RFC1: variants seen among roughly 807,000 people sequenced by gnomAD.
The protein encoded by RFC1 is replication factor C subunit 1.
In RFC1, 37 loss-of-function variants were observed where a neutral mutation model predicts 137.4. That is an observed-to-expected ratio of 0.27 (90% CI 0.21 to 0.35). The LOEUF is 0.35. RFC1 is among the 10% of genes least tolerant of loss of function. The pLI, the probability that RFC1 is intolerant of heterozygous loss-of-function variation, is 1.00. For synonymous variants in RFC1, 429 were observed against 455.7 expected (o/e 0.94, Z 0.75); for missense variants, 1,205 against 1,358.5 (o/e 0.89, Z 1.78).
intron 4 of RFC1, among the ~76,000 whole-genome samples, chr4:39,334,350 C>A (rs1228281243): frequency 1.3e-5 from 2 of 152,150 alleles, no homozygotes; most frequent in Non-Finnish European, 2.9e-5. Flanking sequence ...GACTTCTGAA[C>A]TAGTTGTCTT....
At position 39,288,438 on chromosome 4, in the gene RFC1, G is replaced by A; in HGVS notation, c.*323C>T. The A allele has an allele frequency of 1.5e-5, 3 of 201,130 alleles. No individual in the cohort carries two copies. Among genetic ancestry groups the A allele is most frequent in the East Asian group, 1.2e-4 (1 of 8,552 alleles). 12.5% of individuals were successfully genotyped at this position (201,130 alleles called of 1,614,324 possible). ...GACGCCTTAGTACTACTGCTCCCAG[G>A]CTCATTATTGTTAACTAAAATCTGA... is the stretch of plus-strand genomic sequence containing the variant. On this transcript the variant is annotated 3_prime_UTR_variant, in exon 25 of 25. Coordinates refer to ENST00000349703, the MANE Select transcript of RFC1 (RefSeq NM_002913.5).
chr4:39,353,572 T>C (rs569810331), intron 1 of RFC1, among the ~76,000 whole-genome samples: 3 of 152,172 alleles, frequency 2.0e-5, no homozygotes, highest in South Asian at 2.1e-4. Flanking sequence ...TATCAGATGC[T>C]AAAGAGGAGA....
intron 1 of RFC1, among the ~76,000 whole-genome samples, chr4:39,365,916 A>T (rs1741999711): frequency 6.6e-6 from 1 of 152,204 alleles, no homozygotes; most frequent in Non-Finnish European, 1.5e-5. Context: ...GAACAAGAAA[A>T]TAACTTTACC....
At chr4:39,329,066 T>C (rs1043496267) in intron 4 of RFC1, among the ~76,000 whole-genome samples, 33 of 124,126 alleles carry the variant, frequency 2.7e-4, no homozygotes, top group African/African-American at 1.1e-3. Flanking sequence ...TTTAGATAAT[T>C]AGGAGCTCCA....
At chr4:39,300,868 C>T (rs927938504) in intron 19 of RFC1, among the ~76,000 whole-genome samples, 2 of 151,884 alleles carry the variant, frequency 1.3e-5, no homozygotes, top group African/African-American at 4.8e-5. Flanking sequence ...CTGAGGTGGG[C>T]GGATCACTTG....
chr4:39,356,704 A>G (rs544152938), intron 1 of RFC1, among the ~76,000 whole-genome samples: 1 of 152,362 alleles, frequency 6.6e-6, no homozygotes, highest in South Asian at 2.1e-4. Flanking sequence ...GTGGCTACAA[A>G]AAACAAAAAT....
At chr4:39,310,341 G>A (rs112319680) in intron 12 of RFC1, among the ~76,000 whole-genome samples, 50 of 152,298 alleles carry the variant, frequency 3.3e-4, no homozygotes, top group African/African-American at 1.1e-3. Context: ...AAAATGTAAG[G>A]TTCGAAAAAT....
intron 4 of RFC1, among the ~76,000 whole-genome samples, chr4:39,338,454 A>T (rs1057122017): frequency 1.3e-5 from 2 of 152,224 alleles, no homozygotes; most frequent in Non-Finnish European, 2.9e-5. Flanking sequence ...ATAAAATTTC[A>T]AATTTTCTCA....
At chr4:39,318,014 A>C (rs1346033231) in intron 9 of RFC1, 1 of 152,194 alleles carries the variant, frequency 6.6e-6, no homozygotes, top group Non-Finnish European at 1.5e-5. Context: ...AAAACTAGCC[A>C]GGCTTGGTGG....
At chr4:39,356,953 G>T (rs149029485) in intron 1 of RFC1, among the ~76,000 whole-genome samples, 2 of 152,260 alleles carry the variant, frequency 1.3e-5, no homozygotes, top group Admixed American at 6.5e-5. Flanking sequence ...TTAAGAGCCC[G>T]CATCAACTTT....
At chr4:39,309,645 C>A in intron 12 of RFC1, among the ~76,000 whole-genome samples, 1 of 152,224 alleles carries the variant, frequency 6.6e-6, no homozygotes, top group Non-Finnish European at 1.5e-5. Context: ...AGAGACAGAG[C>A]AGAGCAGTGA....
chr4:39,308,263 G>A (rs1738785002), intron 13 of RFC1, among the ~76,000 whole-genome samples: 1 of 152,080 alleles, frequency 6.6e-6, no homozygotes, highest in Admixed American at 6.6e-5. Flanking sequence ...CCTTCACCTA[G>A]CTAGCTCCTA....
At chr4:39,351,517 C>A in intron 1 of RFC1, 41 bp from the exon 2 acceptor site, 3 of 1,477,648 alleles carry the variant, frequency 2.0e-6, no homozygotes, top group South Asian at 2.7e-5. Context: ...AAACATTAAC[C>A]GCATAAAATT....
chr4:39,358,529 T>C (rs1741594343), intron 1 of RFC1, among the ~76,000 whole-genome samples: 1 of 152,206 alleles, frequency 6.6e-6, no homozygotes, highest in South Asian at 2.1e-4. Context: ...CCACGCGCTA[T>C]ATGGCAGTTC....
chr4:39,333,166 G>A (rs1429179523), intron 4 of RFC1, among the ~76,000 whole-genome samples: 1 of 152,064 alleles, frequency 6.6e-6, no homozygotes, highest in Non-Finnish European at 1.5e-5. Context: ...TGGACCAAAC[G>A]AACTCTTAAG....
In RFC1 at chr4:39,288,855, G is replaced by T. The variant is rs779363679; in HGVS notation, c.3361-11C>A. On this transcript the variant is annotated splice_polypyrimidine_tract_variant and intron_variant, in intron 24 of 24. Coordinates refer to ENST00000349703, the MANE Select transcript of RFC1 (RefSeq NM_002913.5). ...AGATTTTGTCTTTTTCTGTTAGGGG[G>T]AAGATAACAAAATAGTTAATAGCTG... is the stretch of plus-strand genomic sequence containing the variant. 3 of 1,543,634 alleles carry T rather than the reference G, an allele frequency of 1.9e-6. No individual in the cohort carries two copies. The highest frequency in any genetic ancestry group is 8.9e-7 in the Non-Finnish European group (1 of 1,120,942).
intron 4 of RFC1, among the ~76,000 whole-genome samples, chr4:39,336,596 G>GT (rs936612871): frequency 4.6e-5 from 7 of 152,254 alleles, no homozygotes; most frequent in African/African-American, 1.7e-4. Context: ...TTGAAGCCGA[G>GT]TAACTCTCTG....
intron 4 of RFC1, among the ~76,000 whole-genome samples, chr4:39,336,626 C>T (rs1013285174): frequency 1.3e-5 from 2 of 152,256 alleles, no homozygotes; most frequent in African/African-American, 4.8e-5. Context: ...TTGCGGGATG[C>T]TTAGTGGCAT....
chr4:39,331,202 T>C (rs1740085546), intron 4 of RFC1, among the ~76,000 whole-genome samples: 2 of 152,218 alleles, frequency 1.3e-5, no homozygotes, highest in African/African-American at 2.4e-5. Flanking sequence ...AAATTTCTTA[T>C]CTTATTAAAT....
Sources: allele counts gnomAD v4.1 joint callset (sites outside exome capture counted in the v4.1 genomes callset), GRCh38; gene constraint gnomAD v4.1.1; transcripts MANE v1.5; gene names NCBI Gene and HGNC (gene_info 2026-07-23, HGNC 2026-07-21).